Variants in YTHDF2 observed in about 807,000 individuals in gnomAD.
YTHDF2 encodes YTH domain-containing family protein 2.
YTHDF2 carries 2 observed loss-of-function variants against 50.4 expected under a neutral mutation model. The observed-to-expected ratio is 0.04, with a 90% CI of 0.02 to 0.12. The LOEUF (loss-of-function observed/expected upper bound fraction) is 0.12. YTHDF2 is among the 10% of genes least tolerant of loss of function. YTHDF2 has a pLI of 1.00. For missense variants in YTHDF2, 483 were observed against 722.6 expected (o/e 0.67, Z 3.80); for synonymous variants, 217 against 255.6 (o/e 0.85, Z 1.44).
intron 4 of YTHDF2, among the ~76,000 whole-genome samples, chr1:28,760,586 C>CT (rs1183524558): frequency 5.6e-4 from 84 of 151,116 alleles, no homozygotes; most frequent in East Asian, 1.8e-3. Context: ...CCACACCTGG[C>CT]TTTTTTTTTG....
At chr1:28,762,050 C>G (rs2088143658) in intron 4 of YTHDF2, among the ~76,000 whole-genome samples, 1 of 152,054 alleles carries the variant, frequency 6.6e-6, no homozygotes, top group African/African-American at 2.4e-5. Flanking sequence ...TCTATTAAAC[C>G]ATATCAAGCA....
At chr1:28,766,246 C>T (rs369718741) in intron 4 of YTHDF2, among the ~76,000 whole-genome samples, 1 of 145,376 alleles carries the variant, frequency 6.9e-6, no homozygotes, top group Admixed American at 6.9e-5. Context: ...TGCATGCCAC[C>T]ACACCCAGAT....
Position 28,744,571 on chromosome 1 carries a change from G to A in YTHDF2, c.1716+585G>A, listed in dbSNP as rs373121343. Among the ~76,000 whole-genome samples, 15 of 152,354 alleles carry A rather than the reference G, an allele frequency of 9.8e-5. No individual in the cohort carries two copies. The East Asian group carries it at 1.3e-3, about 14-fold the overall frequency. ...TCAAACTAGAGTTGAATTTGAAAGA[G>A]TTGGTAGCGTTTGCTCTGTGAGTAT... On this transcript the variant is annotated intron_variant, in intron 4 of 4. Transcript: ENST00000373812.
chr1:28,764,234 A>T (rs1212557212), intron 4 of YTHDF2, among the ~76,000 whole-genome samples: 2 of 151,570 alleles, frequency 1.3e-5, no homozygotes, highest in East Asian at 3.9e-4. Context: ...TACAGGCATG[A>T]GCCACTGTGC....
At chr1:28,737,202 C>T (rs2087703589) in intron 1 of YTHDF2, 55 bp downstream of exon 1, 1 of 1,512,374 alleles carries the variant, frequency 6.6e-7, no homozygotes, top group African/African-American at 1.4e-5. Flanking sequence ...AGGAGCCCGA[C>T]TAGGCCCGGG....
At chr1:28,757,586 C>G (rs1036972645) in intron 4 of YTHDF2, among the ~76,000 whole-genome samples, 1 of 89,698 alleles carries the variant, frequency 1.1e-5, no homozygotes, top group Non-Finnish European at 2.3e-5. Flanking sequence ...AAAAGCTCTT[C>G]ATGTGAGTTT....
intron 4 of YTHDF2, among the ~76,000 whole-genome samples, chr1:28,761,738 C>T (rs1479625615): frequency 6.6e-6 from 1 of 151,598 alleles, no homozygotes; most frequent in Non-Finnish European, 1.5e-5. Context: ...GTCTCAAATT[C>T]TAGTAGAGTC....
chr1:28,768,674 A>G (rs767266168), intron 4 of YTHDF2, among the ~76,000 whole-genome samples: 1 of 152,206 alleles, frequency 6.6e-6, no homozygotes, highest in African/African-American at 2.4e-5. Flanking sequence ...ACAACTAAGT[A>G]TTAATCTAAA....
chr1:28,742,286 C>T lies in YTHDF2; in HGVS notation c.133-117C>T, dbSNP rs574030000. ...TAGGGATTACAGGTGTGAGCCACCG[C>T]GTCCGGCCTGCACACTCCTTTTTAT... On this transcript the variant is annotated intron_variant, in intron 3 of 4. Coordinates refer to ENST00000373812, the MANE Select transcript of YTHDF2 (RefSeq NM_016258.3). 47 of 1,338,240 alleles carry T rather than the reference C, an allele frequency of 3.5e-5. No homozygotes were observed. In the African/African-American group the frequency reaches 3.8e-4, roughly 11 times the overall value. 82.9% of individuals were successfully genotyped at this position (1,338,240 alleles called of 1,614,324 possible).
At chr1:28,767,365 T>A (rs2088234063) in intron 4 of YTHDF2, among the ~76,000 whole-genome samples, 1 of 152,164 alleles carries the variant, frequency 6.6e-6, no homozygotes, top group Non-Finnish European at 1.5e-5. Flanking sequence ...AATATAAACA[T>A]GTTTCTTAGG....
chr1:28,739,559 C>G (rs1339676133), intron 3 of YTHDF2, among the ~76,000 whole-genome samples: 1 of 152,034 alleles, frequency 6.6e-6, no homozygotes, highest in Non-Finnish European at 1.5e-5. Context: ...CTCGACCTCT[C>G]AGAAGTGTTG....
In YTHDF2 at chr1:28,737,671, A is replaced by G; in HGVS notation, c.41A>G (p.Gln14Arg). The change falls in exon 2 of 5, where the codon CAA becomes CGA. Residue 14 changes from glutamine (Q) to arginine (R), a missense_variant. Coordinates refer to ENST00000373812, the MANE Select transcript of YTHDF2 (RefSeq NM_016258.3). ...CTTCCCCTGCAGAGACCAAAAGGTC[A>G]AGGAAACAAAGGTAAGTCCCGCTCC... ...SSLLEQRPKGQGNKVQNGSVH... is the reference protein window; with the variant it reads ...SSLLEQRPKGRGNKVQNGSVH... The G allele has an allele frequency of 6.2e-7, 1 of 1,613,840 alleles. No individual in the cohort carries two copies. Among genetic ancestry groups the G allele is most frequent in the South Asian group, 1.1e-5 (1 of 91,070 alleles).
At chr1:28,754,146 A>C (rs947132449) in intron 4 of YTHDF2, among the ~76,000 whole-genome samples, 1 of 152,240 alleles carries the variant, frequency 6.6e-6, no homozygotes, top group African/African-American at 2.4e-5. Flanking sequence ...GTACTTTCAT[A>C]GCCTTACTTT....
chr1:28,741,008 A>AT (rs1042245810), intron 3 of YTHDF2, among the ~76,000 whole-genome samples: 7 of 140,572 alleles, frequency 5.0e-5, no homozygotes, highest in South Asian at 2.3e-4. Context: ...CCGGCTATTT[A>AT]TTTTTTTTGA....
intron 4 of YTHDF2, among the ~76,000 whole-genome samples, chr1:28,754,135 G>C (rs762197782): frequency 1.1e-4 from 17 of 152,218 alleles, no homozygotes; most frequent in Non-Finnish European, 2.1e-4. Context: ...CACCATGCTA[G>C]GTACTTTCAT....
At chr1:28,755,222 G>A (rs192712341) in intron 4 of YTHDF2, among the ~76,000 whole-genome samples, 22 of 152,252 alleles carry the variant, frequency 1.4e-4, no homozygotes, top group Admixed American at 4.6e-4. Flanking sequence ...TGTGATAGTA[G>A]CAGCAGCCAG....
chr1:28,747,807 C>T (rs973372038), intron 4 of YTHDF2, among the ~76,000 whole-genome samples: 2 of 150,914 alleles, frequency 1.3e-5, no homozygotes, highest in African/African-American at 4.9e-5. Flanking sequence ...TGTCAGGTTA[C>T]TTTTTAGTTT....
chr1:28,749,997 T>TG (rs1464656049), intron 4 of YTHDF2, among the ~76,000 whole-genome samples: 4 of 144,610 alleles, frequency 2.8e-5, no homozygotes, highest in Middle Eastern at 3.5e-3. Context: ...TTTTTTTTTT[T>TG]TTTTTTTTTT....
At chr1:28,751,411 G>GT (rs1242508579) in intron 4 of YTHDF2, among the ~76,000 whole-genome samples, 17 of 152,260 alleles carry the variant, frequency 1.1e-4, no homozygotes, top group African/African-American at 4.1e-4. Flanking sequence ...TTCAGATCTA[G>GT]TGAGTGGGCA....
Sources: allele counts gnomAD v4.1 joint callset (sites outside exome capture counted in the v4.1 genomes callset), GRCh38; gene constraint gnomAD v4.1.1; transcripts MANE v1.5; gene names NCBI Gene and HGNC (gene_info 2026-07-23, HGNC 2026-07-21).